The following TBC1D31 variants were observed in gnomAD, a reference collection of about 807,000 sequenced individuals.
TBC1D31 encodes the protein WD repeat domain 67.
In TBC1D31, 99 loss-of-function variants were observed where a neutral mutation model predicts 132.9. The ratio of observed to expected loss-of-function variants is 0.74; its 90% CI spans 0.63 to 0.88. The LOEUF (loss-of-function observed/expected upper bound fraction) is 0.88, where lower values mean the gene tolerates loss of function less well. Ranked by LOEUF, TBC1D31 falls within the 40% of genes least tolerant of loss-of-function variation. The pLI is 0.00. For missense variants in TBC1D31, 1,134 were observed against 1,256.6 expected (o/e 0.90, Z 1.48); for synonymous variants, 385 against 419.4 (o/e 0.92, Z 1.00).
chr8:123,076,366 G>GTA (rs977150376), intron 1 of TBC1D31, among the ~76,000 whole-genome samples: 2 of 148,098 alleles, frequency 1.4e-5, no homozygotes, highest in Admixed American at 6.8e-5. Flanking sequence ...GTGTGTGTGT[G>GTA]TATCAGTGTT....
the TBC1D31 span, among the ~76,000 whole-genome samples, chr8:123,157,882 CCTGCAGTCTTTTTCTGACTGCAGGACTGA>C: frequency 6.6e-6 from 1 of 152,164 alleles, no homozygotes; most frequent in African/African-American, 2.4e-5. Context: ...GGGACGCAGT[CCTGCAGTCTTTTTCTGACTGCAGGACTGA>C]CTGCAAGACT....
intron 10 of TBC1D31, among the ~76,000 whole-genome samples, chr8:123,118,706 C>A (rs563548677): frequency 6.6e-6 from 1 of 151,882 alleles, no homozygotes; most frequent in East Asian, 1.9e-4. Context: ...ATACAGTTTA[C>A]AGTGGTAAAA....
At chr8:123,098,414 G>A (rs1438150774) in intron 6 of TBC1D31, among the ~76,000 whole-genome samples, 3 of 152,000 alleles carry the variant, frequency 2.0e-5, no homozygotes, top group East Asian at 3.9e-4. Context: ...TGATTCTCCC[G>A]CCTCAGCCTC....
chr8:123,156,969 C>T (rs1362741643), downstream of TBC1D31, among the ~76,000 whole-genome samples: 1 of 152,218 alleles, frequency 6.6e-6, no homozygotes, highest in Non-Finnish European at 1.5e-5. Context: ...CCGCGACGGC[C>T]AGTGCCCAAG....
chr8:123,116,955 T>C (rs6470141), intron 10 of TBC1D31, among the ~76,000 whole-genome samples: 85,827 of 151,766 alleles, frequency 0.57, 24,488 homozygotes, highest in Admixed American at 0.62. Context: ...AAATCACTAT[T>C]GGGACACCAC....
rs62521781 is a variant in TBC1D31, at chr8:123,116,556, A to G, written c.1437-3499A>G. On this transcript the variant is annotated intron_variant, in intron 10 of 21. Coordinates refer to ENST00000287380, the MANE Select transcript of TBC1D31 (RefSeq NM_145647.4). ...TAAATAGACACAGAAAGGAATATAG[A>G]TATGCATGTATGCAGGAGTTAGTAT... Among the ~76,000 whole-genome samples, 1,088 of 152,326 alleles carry G rather than the reference A, an allele frequency of 7.1e-3. 11 individuals are homozygous for G. Among genetic ancestry groups the G allele is most frequent in the Non-Finnish European group, 0.012 (799 of 68,022 alleles).
At chr8:123,129,348 C>A in intron 15 of TBC1D31, 130 bp downstream of exon 15, 2 of 562,980 alleles carry the variant, frequency 3.6e-6, no homozygotes, top group Non-Finnish European at 5.6e-6. Flanking sequence ...TTCTATAAAG[C>A]AACTATTAAG....
Position 123,129,304 on chromosome 8 carries a change from C to CG in TBC1D31, c.2270+86_2270+87insG, listed in dbSNP as rs1293191368. The CG allele has an allele frequency of 3.2e-6, 3 of 928,270 alleles. No homozygotes were observed. The African/African-American group carries it at 5.1e-5, about 16-fold the overall frequency. 57.5% of individuals were successfully genotyped at this position (928,270 alleles called of 1,614,324 possible). ...TTCTTTCATTTTTTCATTTTAGAAA[C>CG]AACATTATATATAGGATTACCCAGC... On this transcript the variant is annotated intron_variant, in intron 15 of 21. Coordinates refer to ENST00000287380, the MANE Select transcript of TBC1D31 (RefSeq NM_145647.4).
At chr8:123,074,761 G>T (rs917055412) in intron 1 of TBC1D31, among the ~76,000 whole-genome samples, 9 of 152,184 alleles carry the variant, frequency 5.9e-5, no homozygotes, top group South Asian at 4.1e-4. Flanking sequence ...GATGTATTTT[G>T]TTGAAGTAAA....
intron 16 of TBC1D31, among the ~76,000 whole-genome samples, chr8:123,133,180 C>G (rs1325070531): frequency 6.6e-6 from 1 of 152,208 alleles, no homozygotes; most frequent in Non-Finnish European, 1.5e-5. Flanking sequence ...CAAAGCTGAT[C>G]GGTTTTTGCT....
chr8:123,125,118 G>A lies in TBC1D31; in HGVS notation c.1571-938G>A, dbSNP rs373397463. On this transcript the variant is annotated intron_variant, in intron 11 of 21. Transcript: ENST00000287380. ...ATAAACCACTGTAATCTAATATTCT[G>A]CTGATAAAGCCTTCTTTTGCTATTT... Among the ~76,000 whole-genome samples the A allele has an allele frequency of 1.3e-4, 20 of 152,202 alleles. No individual in the cohort carries two copies. In the South Asian group the frequency reaches 4.1e-3, roughly 32 times the overall value.
chr8:123,139,719 A>G (rs1453300491), intron 17 of TBC1D31, among the ~76,000 whole-genome samples: 1 of 152,182 alleles, frequency 6.6e-6, no homozygotes, highest in Non-Finnish European at 1.5e-5. Flanking sequence ...ACCTTCCAGG[A>G]ACCTATCAGC....
At chr8:123,155,619 T>C (rs909614562), downstream of TBC1D31, among the ~76,000 whole-genome samples, 2 of 152,166 alleles carry the variant, frequency 1.3e-5, no homozygotes, top group African/African-American at 4.8e-5. The surrounding 1 kb of genome is among the most constrained non-coding windows in gnomAD (Gnocchi z 4.1). Context: ...GTCATACCTG[T>C]CACCCAGTTT....
intron 14 of TBC1D31, 68 bp from the exon 15 acceptor site, chr8:123,128,998 T>C (rs1820366404): frequency 1.9e-6 from 2 of 1,077,508 alleles, no homozygotes; most frequent in East Asian, 5.1e-5. Flanking sequence ...TTAATCGGTA[T>C]ACATTTTGTG....
rs1401067953 is a variant in TBC1D31 at position 123,144,747 on chromosome 8, T to C, written c.2866T>C (p.Leu956=). The C allele has an allele frequency of 6.2e-7, 1 of 1,608,690 alleles. No individual in the cohort carries two copies. Among genetic ancestry groups the C allele is most frequent in the Non-Finnish European group, 8.5e-7 (1 of 1,178,792 alleles). ...GGAAGCTGAAGGAAAAGAGTTCCGT[T>C]TGAGATCAGCAAAGAAAGCTTCTGC... ...WKEAEGKEFR[L]RSAKKASALS... is the part of the protein sequence containing the mutation. Residue 956 remains leucine, a synonymous_variant, in exon 20 of 22, where the codon TTG becomes CTG. Transcript: ENST00000287380.
rs1821797343 is a variant in TBC1D31, at chr8:123,142,455, A to G, written c.2834A>G (p.Lys945Arg). The part of the protein sequence containing the change: ...INAMVEEEAK[K>R]WKEAEGKEFR... ...GCAATGGTGGAGGAGGAAGCCAAGA[A>G]GGTAAAAAATAGTGTTATAAACTTT... Residue 945 changes from lysine (K) to arginine (R), a missense_variant and splice_region_variant, in exon 19 of 22, where the codon AAG becomes AGG. Coordinates refer to ENST00000287380, the MANE Select transcript of TBC1D31 (RefSeq NM_145647.4). The G allele has an allele frequency of 1.2e-5, 19 of 1,556,110 alleles. No individual in the cohort carries two copies. The highest frequency in any genetic ancestry group is 1.6e-5 in the Non-Finnish European group (18 of 1,156,832).
intron 17 of TBC1D31, among the ~76,000 whole-genome samples, chr8:123,138,870 C>T (rs762067886): frequency 1.3e-5 from 2 of 152,172 alleles, no homozygotes; most frequent in East Asian, 1.9e-4. Flanking sequence ...AGTGCAGTGG[C>T]GTGATCTCAG....
At chr8:123,128,823 C>T (rs1043557852) in intron 14 of TBC1D31, among the ~76,000 whole-genome samples, 2 of 151,078 alleles carry the variant, frequency 1.3e-5, no homozygotes, top group African/African-American at 4.9e-5. Flanking sequence ...TTGCAGTGAG[C>T]GGAGATCATG....
At chr8:123,118,454 A>G (rs1586665394) in intron 10 of TBC1D31, among the ~76,000 whole-genome samples, 1 of 152,218 alleles carries the variant, frequency 6.6e-6, no homozygotes, top group Non-Finnish European at 1.5e-5. Flanking sequence ...TACATGTGGG[A>G]GAATTATAAT....
Sources: gnomAD v4.1 joint callset for allele counts (sites outside exome capture counted in the v4.1 genomes callset) on GRCh38, gnomAD v4.1.1 for gene constraint, Gnocchi (gnomAD v3.1) non-coding constraint, MANE v1.5 for transcripts, NCBI Gene and HGNC (gene_info 2026-07-23, HGNC 2026-07-21) for gene names.